Variants in GRM5 observed in about 807,000 individuals in gnomAD.
GRM5 encodes the protein glutamate metabotropic receptor 5.
GRM5 carries 19 observed loss-of-function variants against 83.1 expected under a neutral mutation model. The observed-to-expected ratio is 0.23, with a 90% confidence interval of 0.16 to 0.34. GRM5 has a LOEUF of 0.34. GRM5 is among the 10% of genes least tolerant of loss of function. The pLI is 1.00. For missense variants in GRM5, 1,160 were observed against 1,588.3 expected (o/e 0.73, Z 4.58); for synonymous variants, 675 against 633.6 (o/e 1.07, Z -0.98).
At position 88,604,853 on chromosome 11, in the gene GRM5, G is replaced by A; in HGVS notation, c.1259C>T (p.Pro420Leu). The A allele has an allele frequency of 6.2e-7, 1 of 1,613,770 alleles. No individual in the cohort carries two copies. Among genetic ancestry groups the A allele is most frequent in the East Asian group, 2.2e-5 (1 of 44,864 alleles). Residue 420 changes from proline (P) to leucine (L), a missense_variant, in exon 5 of 10, where the codon CCA becomes CTA. Pro to Leu is a moderately conservative substitution (Grantham distance 98). Transcript: ENST00000305447. ...GGCATCACAGAGTCCTGCATAGCCTGGGCAGAGGGACATCTGCATGTTGTG... is the reference window on the plus strand; with the variant it reads ...GGCATCACAGAGTCCTGCATAGCCTAGGCAGAGGGACATCTGCATGTTGTG... ...GLHNMQMSLC[P>L]GYAGLCDAMK...
intron 2 of GRM5, among the ~76,000 whole-genome samples, chr11:88,947,260 A>T (rs933227283): frequency 1.3e-5 from 2 of 152,104 alleles, no homozygotes; most frequent in African/African-American, 4.8e-5. Flanking sequence ...TTGCATGTTA[A>T]TGTTTATAGA....
intron 3 of GRM5, among the ~76,000 whole-genome samples, chr11:88,792,560 A>T (rs1005807060): frequency 3.3e-5 from 5 of 152,088 alleles, no homozygotes; most frequent in Non-Finnish European, 5.9e-5. Context: ...CAACTAGGGG[A>T]TATTTCTAGA....
chr11:89,046,951 T>A (rs1442569892), intron 2 of GRM5, among the ~76,000 whole-genome samples: 2 of 152,186 alleles, frequency 1.3e-5, no homozygotes, highest in East Asian at 3.8e-4. Flanking sequence ...TAATATAGCA[T>A]CAGTATAGCA....
At chr11:89,028,466 T>A (rs1941183607) in intron 2 of GRM5, among the ~76,000 whole-genome samples, 3 of 152,082 alleles carry the variant, frequency 2.0e-5, no homozygotes, top group Non-Finnish European at 4.4e-5. Flanking sequence ...TGTGCACCTG[T>A]AGTTCTAGAT....
intron 2 of GRM5, among the ~76,000 whole-genome samples, chr11:88,961,054 A>G (rs1019173868): frequency 4.6e-5 from 7 of 152,168 alleles, no homozygotes; most frequent in East Asian, 1.9e-4. Flanking sequence ...GGGGCCTAAA[A>G]TAACTGCTAG....
rs1281043767 is a variant in GRM5, at chr11:88,900,133, T to C, written c.662-49978A>G. Among the ~76,000 whole-genome samples, 4 of 152,264 alleles carry C rather than the reference T, an allele frequency of 2.6e-5. No homozygotes were observed. The East Asian group carries it at 7.7e-4, about 29-fold the overall frequency. On this transcript the variant is annotated intron_variant, in intron 2 of 9. Coordinates refer to ENST00000305447, the MANE Select transcript of GRM5 (RefSeq NM_001143831.3). ...AATGAAGCAGAGACAGAAAATTAGA[T>C]GTAGCTTCTACCGTAGATTGATAAA... is the stretch of plus-strand genomic sequence containing the variant.
chr11:88,999,420 G>A (rs1940297740), intron 2 of GRM5, among the ~76,000 whole-genome samples: 1 of 152,104 alleles, frequency 6.6e-6, no homozygotes, highest in Admixed American at 6.6e-5. Context: ...ATCAAAAAGT[G>A]GGTGAAGGAT....
chr11:88,852,594 G>A (rs1218198379), intron 2 of GRM5, among the ~76,000 whole-genome samples: 1 of 151,914 alleles, frequency 6.6e-6, no homozygotes, highest in Non-Finnish European at 1.5e-5. Context: ...ATCCCAAGCT[G>A]TACTCTTTAA....
intron 2 of GRM5, among the ~76,000 whole-genome samples, chr11:88,921,307 C>CAGCATAAGA: frequency 6.6e-6 from 1 of 152,272 alleles, no homozygotes; most frequent in African/African-American, 2.4e-5. Context: ...ATTCAGCATT[C>CAGCATAAGA]TTTTATGGTA....
intron 2 of GRM5, among the ~76,000 whole-genome samples, chr11:89,028,273 T>C (rs1941179102): frequency 6.9e-6 from 1 of 144,316 alleles, no homozygotes; most frequent in South Asian, 2.1e-4. Context: ...TTATTACCTG[T>C]TTTTTTAACA....
intron 3 of GRM5, among the ~76,000 whole-genome samples, chr11:88,815,843 A>G (rs1007225352): frequency 6.6e-6 from 1 of 152,208 alleles, no homozygotes; most frequent in Non-Finnish European, 1.5e-5. Flanking sequence ...AAATTTCAAC[A>G]TTAAATGTTT....
intron 2 of GRM5, among the ~76,000 whole-genome samples, chr11:89,025,406 G>A (rs779043920): frequency 6.6e-6 from 1 of 152,136 alleles, no homozygotes; most frequent in Admixed American, 6.5e-5. Context: ...GTGAAAATAT[G>A]AGAAAGGTTA....
intron 2 of GRM5, among the ~76,000 whole-genome samples, chr11:89,027,183 C>A (rs991503002): frequency 6.6e-6 from 1 of 151,940 alleles, no homozygotes; most frequent in Non-Finnish European, 1.5e-5. Flanking sequence ...GCAACCTCCG[C>A]CTCCTGGGTT....
At chr11:88,917,338 C>T (rs978899134) in intron 2 of GRM5, among the ~76,000 whole-genome samples, 2 of 152,120 alleles carry the variant, frequency 1.3e-5, no homozygotes, top group African/African-American at 4.8e-5. Flanking sequence ...CATTCAATTC[C>T]CTTTAAATAC....
At chr11:88,748,236 C>T (rs1942184917) in intron 3 of GRM5, among the ~76,000 whole-genome samples, 1 of 152,136 alleles carries the variant, frequency 6.6e-6, no homozygotes, top group African/African-American at 2.4e-5. Flanking sequence ...CTCAGGCACA[C>T]ACAGAGACTG....
At chr11:88,649,275 TTATA>T (rs201549707) in intron 4 of GRM5, among the ~76,000 whole-genome samples, 1 of 60,582 alleles carries the variant, frequency 1.7e-5, no homozygotes, top group African/African-American at 3.1e-5. Context: ...ATATTATATA[TTATA>T]TATATGTAAT....
intron 8 of GRM5, among the ~76,000 whole-genome samples, chr11:88,545,394 C>T (rs1191803402): frequency 6.6e-6 from 1 of 152,030 alleles, no homozygotes; most frequent in Non-Finnish European, 1.5e-5. Context: ...TTCTCTTTTA[C>T]CTTACCCACC....
intron 3 of GRM5, among the ~76,000 whole-genome samples, chr11:88,689,871 C>G (rs1940737032): frequency 6.6e-6 from 1 of 152,274 alleles, no homozygotes; most frequent in Non-Finnish European, 1.5e-5. Flanking sequence ...GGGGTATAAA[C>G]AGGCCTGATC....
chr11:88,662,425 T>C (rs528814856), intron 3 of GRM5, among the ~76,000 whole-genome samples: 4 of 152,264 alleles, frequency 2.6e-5, no homozygotes, highest in Admixed American at 2.6e-4. Flanking sequence ...GATCAGATTG[T>C]ATATTGAAAA....
Sources: gnomAD v4.1 joint callset for allele counts (sites outside exome capture counted in the v4.1 genomes callset) on GRCh38, gnomAD v4.1.1 for gene constraint, MANE v1.5 for transcripts, NCBI Gene and HGNC (gene_info 2026-07-23, HGNC 2026-07-21) for gene names.